The following EPS15 variants were observed in gnomAD, a reference collection of about 807,000 sequenced individuals.
EPS15 encodes the protein epidermal growth factor receptor pathway substrate 15.
In EPS15, 72 loss-of-function variants were observed where a neutral mutation model predicts 113.8. That is an observed-to-expected ratio of 0.63 (90% CI 0.52 to 0.77). The LOEUF is 0.77. EPS15 is among the 30% of genes least tolerant of loss of function. The pLI is 0.00. For synonymous variants in EPS15, 344 were observed against 363.4 expected (o/e 0.95, Z 0.61); for missense variants, 1,048 against 1,045.8 (o/e 1.00, Z -0.03).
At chr1:51,489,479 G>A (rs368355243) in intron 1 of EPS15, among the ~76,000 whole-genome samples, 10 of 151,652 alleles carry the variant, frequency 6.6e-5, no homozygotes, top group African/African-American at 1.5e-4. Context: ...ACACCACCAC[G>A]CCAGACTATT....
chr1:51,358,731 C>T (rs1435901530), intron 24 of EPS15, among the ~76,000 whole-genome samples: 6 of 119,948 alleles, frequency 5.0e-5, no homozygotes, highest in Non-Finnish European at 1.0e-4. Flanking sequence ...TTTTTTGAGG[C>T]GGAGTCTCGC....
rs1649480663 is a variant in EPS15, at chr1:51,409,438, C to A, written c.1275+97G>T. On this transcript the variant is annotated intron_variant, in intron 14 of 24. Coordinates refer to ENST00000371733, the MANE Select transcript of EPS15 (RefSeq NM_001981.3). ...CAAATGCTGACTGGATTGCCAACCA[C>A]CACCATCAATAACAAAAAGTAGAGA... 1.5e-5 allele frequency: 18 copies of A among 1,193,612 alleles called. No individual in the cohort carries two copies. The South Asian group carries it at 2.8e-4, about 18-fold the overall frequency. 73.9% of individuals were successfully genotyped at this position (1,193,612 alleles called of 1,614,324 possible).
At chr1:51,389,576 T>G (rs1647199857) in intron 21 of EPS15, among the ~76,000 whole-genome samples, 1 of 152,236 alleles carries the variant, frequency 6.6e-6, no homozygotes, top group South Asian at 2.1e-4. Flanking sequence ...AACCCCACTG[T>G]CTCAGCCCAA....
chr1:51,430,522 C>T lies in EPS15; in HGVS notation c.1041-8664G>A, dbSNP rs183069637. 3.4e-5 allele frequency among the ~76,000 whole-genome samples: 5 copies of T among 148,820 alleles called. 1 individual carries two copies. The South Asian group carries it at 6.4e-4, about 19-fold the overall frequency. ...GATGGAGGCTGCAGTGAGCCAAGAT[C>T]GTGTCACTGCACTCCTGCCTGGGTG... On this transcript the variant is annotated intron_variant, in intron 12 of 24. Coordinates refer to ENST00000371733, the MANE Select transcript of EPS15 (RefSeq NM_001981.3).
chr1:51,457,444 G>C (rs1025464900), intron 8 of EPS15: 1 of 150,376 alleles, frequency 6.6e-6, no homozygotes, highest in Admixed American at 6.6e-5. Context: ...CACAAGGTGC[G>C]AATCCCCTAC....
chr1:51,423,238 C>T (rs1056936912), intron 12 of EPS15: 12 of 1,288,816 alleles, frequency 9.3e-6, no homozygotes, highest in African/African-American at 6.1e-5. Context: ...ATGTGGGTCG[C>T]GATGTTGTGA....
intron 10 of EPS15, among the ~76,000 whole-genome samples, chr1:51,445,358 C>A (rs1346218480): frequency 6.6e-6 from 1 of 152,162 alleles, no homozygotes; most frequent in African/African-American, 2.4e-5. Context: ...ACATTCCTTA[C>A]ACCCAACATT....
At chr1:51,516,949 G>A (rs1644730220) in intron 1 of EPS15, among the ~76,000 whole-genome samples, 1 of 152,194 alleles carries the variant, frequency 6.6e-6, no homozygotes, top group Non-Finnish European at 1.5e-5. Context: ...ATGTCTAAAT[G>A]TGTGTGCTGG....
chr1:51,509,360 G>A (rs1644579186), intron 1 of EPS15, among the ~76,000 whole-genome samples: 1 of 152,032 alleles, frequency 6.6e-6, no homozygotes, highest in Admixed American at 6.6e-5. Context: ...TTCTAATTAA[G>A]TGCAACATTT....
At chr1:51,417,515 A>G (rs1650353905) in intron 13 of EPS15, among the ~76,000 whole-genome samples, 1 of 152,204 alleles carries the variant, frequency 6.6e-6, no homozygotes, top group South Asian at 2.1e-4. Flanking sequence ...AGCCCAAGGA[A>G]CTCACAATAT....
At chr1:51,477,099 T>C (rs1413251050) in intron 2 of EPS15, among the ~76,000 whole-genome samples, 1 of 152,210 alleles carries the variant, frequency 6.6e-6, no homozygotes, top group Non-Finnish European at 1.5e-5. Flanking sequence ...TTTTTTTGGT[T>C]GGTAAGCTAT....
At chr1:51,397,003 C>T (rs1648014653) in intron 20 of EPS15, 1 of 152,044 alleles carries the variant, frequency 6.6e-6, no homozygotes, top group Non-Finnish European at 1.5e-5. Flanking sequence ...ACCTCAGTCT[C>T]TCGAGTAGCT....
chr1:51,408,095 G>A (rs1649302784), intron 15 of EPS15, 40 bp downstream of exon 15: 4 of 1,525,830 alleles, frequency 2.6e-6, no homozygotes, highest in East Asian at 2.3e-5. Context: ...AGGACACAGA[G>A]GATCCATTTG....
At position 51,508,289 on chromosome 1, in the gene EPS15, A is replaced by AG. The variant is rs61026189; in HGVS notation, c.33+10909_33+10910insC. 4.9e-5 allele frequency among the ~76,000 whole-genome samples: 7 copies of AG among 143,850 alleles called. No homozygotes were observed. In the East Asian group the frequency reaches 5.9e-4, roughly 12 times the overall value. 94.4% of individuals were successfully genotyped at this position (143,850 alleles called of 152,430 possible). A position where few individuals can be genotyped will look rare whatever the true frequency, so the allele number is the denominator to read the frequency against. Reference sequence around the variant, plus strand: ...GAGAGAGAGAAAGAGAGAAAGAGAGAAAGAGAGAGAGAGAAAGAGAGAAAG... The same window carrying AG: ...GAGAGAGAGAAAGAGAGAAAGAGAGAGAAGAGAGAGAGAGAAAGAGAGAAAG... On this transcript the variant is annotated intron_variant, in intron 1 of 24. Transcript: ENST00000371733.
At chr1:51,389,697 A>T (rs1557791473) in intron 21 of EPS15, among the ~76,000 whole-genome samples, 4 of 152,280 alleles carry the variant, frequency 2.6e-5, no homozygotes. Context: ...CCAAATCATG[A>T]GTGAACTCTC....
chr1:51,415,269 T>G (rs1234367058), intron 13 of EPS15, among the ~76,000 whole-genome samples: 1 of 152,192 alleles, frequency 6.6e-6, no homozygotes, highest in Non-Finnish European at 1.5e-5. Flanking sequence ...TTTCTGCCCT[T>G]TCTCTCCCAA....
chr1:51,383,602 G>C (rs1231362445), intron 21 of EPS15, among the ~76,000 whole-genome samples: 4 of 152,176 alleles, frequency 2.6e-5, no homozygotes, highest in African/African-American at 9.7e-5. Flanking sequence ...ACAGGAAGCG[G>C]AGCTCAGGCA....
chr1:51,356,988 CT>C (rs1454036806), intron 24 of EPS15, 142 bp from the exon 25 acceptor site: 2 of 640,418 alleles, frequency 3.1e-6, no homozygotes, highest in East Asian at 5.7e-5. Context: ...TTTTTTCCCC[CT>C]GAAAACATGT....
chr1:51,386,956 G>A (rs899073780), intron 21 of EPS15, among the ~76,000 whole-genome samples: 6 of 152,142 alleles, frequency 3.9e-5, no homozygotes, highest in Admixed American at 6.6e-5. Flanking sequence ...TCAGATTCAG[G>A]AAATACAGAG....
Sources: allele counts gnomAD v4.1 joint callset (sites outside exome capture counted in the v4.1 genomes callset), GRCh38; gene constraint gnomAD v4.1.1; transcripts MANE v1.5; gene names NCBI Gene and HGNC (gene_info 2026-07-23, HGNC 2026-07-21).